Variants in COL6A6 observed in about 807,000 individuals in gnomAD.
COL6A6 encodes the protein collagen type VI alpha 6 chain.
A neutral mutation model predicts 208.6 loss-of-function variants in COL6A6; 183 were observed. The ratio of observed to expected loss-of-function variants is 0.88; its 90% confidence interval spans 0.78 to 0.99. The LOEUF (loss-of-function observed/expected upper bound fraction) is 0.99. Among genes scored for constraint, COL6A6 ranks in the 50% least tolerant of loss-of-function variants. The pLI is 0.00. For missense variants in COL6A6, 2,816 were observed against 2,815.2 expected (o/e 1.00, Z -0.01); for synonymous variants, 973 against 1,011.8 (o/e 0.96, Z 0.73).
intron 1 of COL6A6, among the ~76,000 whole-genome samples, chr3:130,531,017 CACACACACACACACACACACAG>C (rs2062069971): frequency 1.3e-4 from 1 of 7,934 alleles, no homozygotes; most frequent in African/African-American, 3.0e-4. Context: ...CCCTCCTCTA[CACACACACACACACACACACAG>C]ACACACACAC....
At chr3:130,585,178 A>G (rs180939798) in intron 10 of COL6A6, among the ~76,000 whole-genome samples, 97 of 152,338 alleles carry the variant, frequency 6.4e-4, no homozygotes, top group African/African-American at 2.2e-3. Context: ...AAATGTTGCC[A>G]GTGGAGTAAG....
At chr3:130,585,054 A>G (rs1240397148) in intron 10 of COL6A6, among the ~76,000 whole-genome samples, 18 of 152,158 alleles carry the variant, frequency 1.2e-4, no homozygotes, top group Admixed American at 1.2e-3. Flanking sequence ...ATATAAATTT[A>G]TTTAAGAAGG....
Position 130,649,244 on chromosome 3 carries a change from T to TAA in COL6A6, c.5416_5417dup (p.Asn1806LysfsTer93). On this transcript the variant is annotated frameshift_variant, in exon 33 of 37. Transcript: ENST00000358511. LOFTEE classifies it high-confidence loss of function. Reference sequence around the variant, plus strand: ...GAGCGCACATCGCCATCCTCTCCTATAACTCCCACGCCAGGCACCTTGTGC... The same window carrying TAA: ...GAGCGCACATCGCCATCCTCTCCTATAAAACTCCCACGCCAGGCACCTTGTGC... 6.3e-7 allele frequency: 1 copy of TAA among 1,594,672 alleles called. No individual in the cohort carries two copies. Among genetic ancestry groups the TAA allele is most frequent in the Non-Finnish European group, 8.5e-7 (1 of 1,170,676 alleles).
In COL6A6 at chr3:130,566,922, G is replaced by C; in HGVS notation, c.1503G>C (p.Lys501Asn). ...NKYSNKQDLGKAIENIRQMGG... is the reference protein window; with the variant it reads ...NKYSNKQDLGNAIENIRQMGG... ...ACTCCAACAAGCAGGATTTGGGAAA[G>C]GCCATTGAGAATATCAGGCAGATGG... is the stretch of plus-strand genomic sequence containing the variant. Residue 501 changes from lysine to asparagine, a missense_variant, in exon 5 of 37, where the codon AAG becomes AAC. Coordinates refer to ENST00000358511, the MANE Select transcript of COL6A6 (RefSeq NM_001102608.3). 1 of 1,613,930 alleles carries C rather than the reference G, an allele frequency of 6.2e-7. No homozygotes were observed. The highest frequency in any genetic ancestry group is 2.2e-5 in the East Asian group (1 of 44,888).
intron 1 of COL6A6, among the ~76,000 whole-genome samples, chr3:130,553,836 T>G (rs79845294): frequency 1.4e-4 from 16 of 117,202 alleles, no homozygotes; most frequent in African/African-American, 3.2e-4. Flanking sequence ...TTGCGGTGGG[T>G]TTTTTTTGTG....
chr3:130,672,815 C>T (rs1244689771), intron 36 of COL6A6, among the ~76,000 whole-genome samples: 3 of 151,440 alleles, frequency 2.0e-5, no homozygotes, highest in African/African-American at 7.3e-5. Flanking sequence ...TCAAAACCAT[C>T]CTGGCCAACA....
chr3:130,519,433 C>T (rs185358052), intron 1 of COL6A6, among the ~76,000 whole-genome samples: 2 of 152,200 alleles, frequency 1.3e-5, no homozygotes. Context: ...CTCATTCCTA[C>T]AGTCCTAAGA....
At chr3:130,624,767 G>A (rs1249372252) in intron 24 of COL6A6, among the ~76,000 whole-genome samples, 1 of 152,124 alleles carries the variant, frequency 6.6e-6, no homozygotes, top group Non-Finnish European at 1.5e-5. Context: ...AATTTAGATG[G>A]CAAGTGCCCC....
rs200963433 is a variant in COL6A6, at chr3:130,571,132, C to T, written c.2716C>T (p.Arg906Cys). ...CATGTTCACTGAAGCCCGGGGCAGC[C>T]GCCTGAACAAGGGGGTCCCCCAAGT... ...DHMFTEARGS[R>C]LNKGVPQVLI... The change falls in exon 7 of 37, where the codon CGC (arginine) becomes TGC (cysteine). Residue 906 changes from arginine (R) to cysteine (C), a missense_variant. By Grantham distance (180) the Arg-to-Cys change is radical (BLOSUM62 -3). Transcript: ENST00000358511. The T allele has an allele frequency of 3.4e-4, 552 of 1,613,802 alleles. 1 individual carries two copies. In the East Asian group the frequency reaches 0.011, roughly 32 times the overall value.
chr3:130,543,289 C>G (rs1255883250), intron 1 of COL6A6, among the ~76,000 whole-genome samples: 3 of 152,180 alleles, frequency 2.0e-5, no homozygotes, highest in African/African-American at 7.2e-5. Context: ...TTTTGATCCA[C>G]TCAGACAAAC....
At chr3:130,609,380 C>G (rs1415509985) in intron 22 of COL6A6, among the ~76,000 whole-genome samples, 2 of 152,190 alleles carry the variant, frequency 1.3e-5, no homozygotes, top group Non-Finnish European at 2.9e-5. Context: ...CGAAAGACAG[C>G]TGGAGACATC....
intron 1 of COL6A6, among the ~76,000 whole-genome samples, chr3:130,529,261 A>G (rs2062029512): frequency 6.6e-6 from 1 of 151,282 alleles, no homozygotes; most frequent in African/African-American, 2.5e-5. Flanking sequence ...CACAGCAGGA[A>G]ATGTACAAAA....
chr3:130,600,530 C>T (rs1280299880), intron 20 of COL6A6, among the ~76,000 whole-genome samples: 1 of 152,120 alleles, frequency 6.6e-6, no homozygotes, highest in Non-Finnish European at 1.5e-5. Flanking sequence ...GAATACTATG[C>T]AGCCATAAAA....
At chr3:130,542,862 G>A (rs1377862762) in intron 1 of COL6A6, among the ~76,000 whole-genome samples, 2 of 141,048 alleles carry the variant, frequency 1.4e-5, no homozygotes, top group East Asian at 4.4e-4. Flanking sequence ...ATTTTGCTTA[G>A]TGTTAACATA....
chr3:130,563,700 A>G, intron 3 of COL6A6, 36 bp downstream of exon 3: 1 of 1,388,252 alleles, frequency 7.2e-7, no homozygotes, highest in Non-Finnish European at 9.9e-7. Flanking sequence ...ATGATGATAA[A>G]ACGCTTTTGA....
At chr3:130,614,035 A>T (rs2064436506) in intron 23 of COL6A6, among the ~76,000 whole-genome samples, 1 of 152,202 alleles carries the variant, frequency 6.6e-6, no homozygotes, top group South Asian at 2.1e-4. Context: ...TGCTCTAGCC[A>T]GGACTTCCAG....
chr3:130,571,493 G>A, intron 7 of COL6A6, 100 bp downstream of exon 7: 1 of 781,358 alleles, frequency 1.3e-6, no homozygotes, highest in Non-Finnish European at 2.0e-6. Flanking sequence ...CCAGAGAGGA[G>A]AGAAGGAGCT....
intron 1 of COL6A6, among the ~76,000 whole-genome samples, chr3:130,544,639 T>C (rs2062449713): frequency 6.6e-6 from 1 of 152,116 alleles, no homozygotes; most frequent in South Asian, 2.1e-4. Flanking sequence ...GCTGCACCAA[T>C]CTACATTCCC....
chr3:130,598,498 T>G, intron 19 of COL6A6, 68 bp downstream of exon 19: 1 of 1,039,026 alleles, frequency 9.6e-7, no homozygotes, highest in Non-Finnish European at 1.4e-6. Context: ...TGGTAGAATG[T>G]GAAATGCTTA....
Sources: gnomAD v4.1 joint callset for allele counts (sites outside exome capture counted in the v4.1 genomes callset) on GRCh38, gnomAD v4.1.1 for gene constraint, MANE v1.5 for transcripts, NCBI Gene and HGNC (gene_info 2026-07-23, HGNC 2026-07-21) for gene names.